The following PTPRG variants were observed in gnomAD, a reference collection of about 807,000 sequenced individuals.
PTPRG encodes the protein receptor-type tyrosine-protein phosphatase gamma.
Under a neutral mutation model 165.3 loss-of-function variants are expected in PTPRG, and 102 were observed. That is an observed-to-expected ratio of 0.62 (90% confidence interval 0.53 to 0.73). The LOEUF is 0.73. Among genes scored for constraint, PTPRG ranks in the 30% least tolerant of loss-of-function variants. The probability of loss-of-function intolerance (pLI) is 0.00; values close to 1 mark genes in which losing one functional copy is unlikely to be tolerated. For synonymous variants in PTPRG, 675 were observed against 669.5 expected (o/e 1.01, Z -0.13); for missense variants, 1,866 against 1,861.4 (o/e 1.00, Z -0.05).
intron 1 of PTPRG, chr3:61,743,127 C>G (rs1397196534): frequency 7.8e-7 from 1 of 1,281,758 alleles, no homozygotes; most frequent in Non-Finnish European, 1.1e-6. Context: ...GCCGCGCTAA[C>G]CGGAAAAGAG....
In PTPRG at chr3:62,203,897, T is replaced by C. The variant is rs1386973409; in HGVS notation, c.2102T>C (p.Met701Thr). The C allele has an allele frequency of 4.4e-6, 7 of 1,607,564 alleles. No homozygotes were observed. The highest frequency in any genetic ancestry group is 5.1e-6 in the Non-Finnish European group (6 of 1,176,956). ...KRPEMPSKKP[M>T]SRGDRFSEDS... ...CCCGAAATGCCATCTAAAAAGCCTA[T>C]GTCCCGCGGGGACCGATTTTCTGAA... The change falls in exon 12 of 30, where the codon ATG (methionine) becomes ACG (threonine). Residue 701 changes from methionine (M) to threonine (T), a missense_variant. Met to Thr is a moderately conservative substitution (Grantham distance 81). This residue lies in a region of PTPRG where 1,452 missense variants were observed against 1,463.0 expected (regional missense o/e 0.99). Coordinates refer to ENST00000474889, the MANE Select transcript of PTPRG (RefSeq NM_002841.4). The surrounding 1 kb of genome is among the most constrained non-coding windows in gnomAD (Gnocchi z 6.4).
intron 2 of PTPRG, among the ~76,000 whole-genome samples, chr3:61,928,258 T>G (rs987653011): frequency 6.6e-6 from 1 of 152,170 alleles, no homozygotes; most frequent in African/African-American, 2.4e-5. Flanking sequence ...CCAAGAAACC[T>G]TGTAAGTGTG....
In PTPRG at chr3:62,217,825, C is replaced by G. The variant is rs1427483051; in HGVS notation, c.2156-1026C>G. 3.9e-5 allele frequency: 6 copies of G among 152,414 alleles called. No homozygotes were observed. Among genetic ancestry groups the G allele is most frequent in the African/African-American group, 1.2e-4 (5 of 41,448 alleles). The allele number at this position is 152,414 out of a possible 1,614,324, so 9.4% of individuals were successfully genotyped here. On this transcript the variant is annotated intron_variant, in intron 12 of 29. Coordinates refer to ENST00000474889, the MANE Select transcript of PTPRG (RefSeq NM_002841.4). The surrounding 1 kb of genome is among the most constrained non-coding windows in gnomAD (Gnocchi z 4.3). ...CTTCTGCTGAGGCTCCTGGGGACTT[C>G]TGAAGACATTCAGGGCCTGGAGAGG...
intron 7 of PTPRG, among the ~76,000 whole-genome samples, chr3:62,162,440 A>T (rs1704803612): frequency 6.6e-6 from 1 of 152,218 alleles, no homozygotes; most frequent in Non-Finnish European, 1.5e-5. Context: ...ACTAAATGAT[A>T]AAGACTTCAT....
At chr3:61,982,288 T>C (rs1012645271) in intron 2 of PTPRG, among the ~76,000 whole-genome samples, 1 of 152,204 alleles carries the variant, frequency 6.6e-6, no homozygotes, top group African/African-American at 2.4e-5. Context: ...TTGAAGCCAG[T>C]TTCCTGTTGT....
chr3:61,986,757 T>C (rs2040772806), intron 2 of PTPRG, among the ~76,000 whole-genome samples: 1 of 152,192 alleles, frequency 6.6e-6, no homozygotes, highest in Non-Finnish European at 1.5e-5. Context: ...TACAGATGTC[T>C]TGTTACTTCT....
At chr3:62,157,581 A>ACCC (rs1704586403) in intron 7 of PTPRG, among the ~76,000 whole-genome samples, 1 of 152,182 alleles carries the variant, frequency 6.6e-6, no homozygotes, top group Non-Finnish European at 1.5e-5. Context: ...CATCTTCATG[A>ACCC]ACAACACTCT....
chr3:61,835,499 A>G (rs534405030), intron 2 of PTPRG, among the ~76,000 whole-genome samples: 209 of 151,974 alleles, frequency 1.4e-3, no homozygotes, highest in African/African-American at 4.7e-3. Flanking sequence ...ACACCTGGCT[A>G]ATTTTTGTAT....
intron 2 of PTPRG, among the ~76,000 whole-genome samples, chr3:61,819,585 A>G (rs1431524512): frequency 6.6e-6 from 1 of 152,182 alleles, no homozygotes; most frequent in Non-Finnish European, 1.5e-5. Flanking sequence ...AGGAGAATGC[A>G]GTACTACCTA....
chr3:62,069,928 C>A (rs927445360), intron 4 of PTPRG, among the ~76,000 whole-genome samples: 14 of 152,122 alleles, frequency 9.2e-5, no homozygotes, highest in African/African-American at 3.4e-4. Flanking sequence ...ATCAGCTTTA[C>A]TTCTAAAGTC....
At position 62,297,376 on chromosome 3, in the gene PTPRG, A is replaced by G. The variant is rs1159846735; in HGVS notation, c.*4069A>G. 6.7e-6 allele frequency: 1 copy of G among 150,194 alleles called. No individual in the cohort carries two copies. Among genetic ancestry groups the G allele is most frequent in the African/African-American group, 2.4e-5 (1 of 40,968 alleles). The allele number at this position is 150,194 out of a possible 1,614,324, so 9.3% of individuals were successfully genotyped here. A position where few individuals can be genotyped will look rare whatever the true frequency, so the allele number is the denominator to read the frequency against. On this transcript the variant is annotated 3_prime_UTR_variant, in exon 30 of 30. Transcript: ENST00000474889. ...GGTTTTCTTTTTAATTCCATTGACC[A>G]TTTGTGCAATAGGAATTAGACATAA... is the stretch of plus-strand genomic sequence containing the variant.
In PTPRG at chr3:62,269,138, GT is replaced by G; in HGVS notation, c.2983del (p.Ser995GlnfsTer7). 1.3e-6 allele frequency: 2 copies of G among 1,592,618 alleles called. No individual in the cohort carries two copies. Among genetic ancestry groups the G allele is most frequent in the Non-Finnish European group, 1.7e-6 (2 of 1,165,030 alleles). On this transcript the variant is annotated frameshift_variant, in exon 20 of 30. Transcript: ENST00000474889. LOFTEE classifies it high-confidence loss of function. The part of the protein sequence containing the change: ...TKIHACYTVR[R>X]FSIRNTKVKK... Reference sequence around the variant, plus strand: ...ATACATGCCTGCTACACTGTTCGTCGTTTTTCAATCAGAAATACAAAAGTGA... The same window carrying G: ...ATACATGCCTGCTACACTGTTCGTCGTTTTCAATCAGAAATACAAAAGTGA...
At chr3:61,897,197 A>G (rs988524795) in intron 2 of PTPRG, among the ~76,000 whole-genome samples, 1 of 151,910 alleles carries the variant, frequency 6.6e-6, no homozygotes, top group African/African-American at 2.4e-5. Context: ...ATTCTCTCCT[A>G]TGTTTTTCTG....
chr3:61,619,054 G>T (rs1378581559), intron 1 of PTPRG, among the ~76,000 whole-genome samples: 2 of 151,916 alleles, frequency 1.3e-5, no homozygotes, highest in African/African-American at 4.8e-5. Flanking sequence ...CTACTCGGGA[G>T]GCTGAGGTGG....
intron 7 of PTPRG, among the ~76,000 whole-genome samples, chr3:62,160,865 T>TTG (rs1704730452): frequency 1.5e-4 from 1 of 6,540 alleles, no homozygotes; most frequent in South Asian, 5.1e-3. Context: ...AGATGTGTGA[T>TTG]TTTTTTTTTT....
rs978031232 is a variant in PTPRG at position 62,150,556 on chromosome 3, T to C, written c.683-6511T>C. On this transcript the variant is annotated intron_variant, in intron 6 of 29. Transcript: ENST00000474889. ...TCATCTTCCATTTCTAATGACTTAA[T>C]GCCCAATTCTTTCCACTATCCACTC... is the stretch of plus-strand genomic sequence containing the variant. Among the ~76,000 whole-genome samples, 5 of 152,324 alleles carry C rather than the reference T, an allele frequency of 3.3e-5. No individual in the cohort carries two copies. In the East Asian group the frequency reaches 9.6e-4, roughly 29 times the overall value.
chr3:61,868,538 T>G (rs554432287), intron 2 of PTPRG, among the ~76,000 whole-genome samples: 1 of 152,228 alleles, frequency 6.6e-6, no homozygotes, highest in Admixed American at 6.5e-5. Context: ...CTTGTTCACT[T>G]TCCCCCTTCC....
intron 1 of PTPRG, among the ~76,000 whole-genome samples, chr3:61,729,510 A>T (rs918568321): frequency 6.6e-6 from 1 of 152,248 alleles, no homozygotes; most frequent in African/African-American, 2.4e-5. Flanking sequence ...TTGTGACCAT[A>T]GCAATCATTT....
intron 1 of PTPRG, among the ~76,000 whole-genome samples, chr3:61,663,428 G>C (rs1338577126): frequency 6.6e-6 from 1 of 152,124 alleles, no homozygotes; most frequent in African/African-American, 2.4e-5. Context: ...TCTGTACAGT[G>C]GGGATAAATA....
Sources: allele counts gnomAD v4.1 joint callset (sites outside exome capture counted in the v4.1 genomes callset), GRCh38; gene constraint gnomAD v4.1.1; regional missense constraint gnomAD v4.1.1; non-coding constraint Gnocchi (gnomAD v3.1); transcripts MANE v1.5; gene names NCBI Gene and HGNC (gene_info 2026-07-23, HGNC 2026-07-21).